The following RC3H1 variants were observed in gnomAD, a reference collection of about 807,000 sequenced individuals.
RC3H1 encodes the protein ring finger and CCCH-type domains 1, also known as roquin-1.
A neutral mutation model predicts 138.2 loss-of-function variants in RC3H1; 50 were observed. The ratio of observed to expected loss-of-function variants is 0.36; its 90% CI spans 0.29 to 0.46. The LOEUF is 0.46. Ranked by LOEUF, RC3H1 falls within the 20% of genes least tolerant of loss-of-function variation. The pLI, the probability that RC3H1 is intolerant of heterozygous loss-of-function variation, is 1.00. For missense variants in RC3H1, 1,031 were observed against 1,388.1 expected (o/e 0.74, Z 4.09); for synonymous variants, 462 against 489.1 (o/e 0.94, Z 0.73).
At chr1:173,998,011 CAA>C (rs1220944223) in intron 1 of RC3H1, among the ~76,000 whole-genome samples, 1 of 152,080 alleles carries the variant, frequency 6.6e-6, no homozygotes, top group Non-Finnish European at 1.5e-5. Context: ...ATCTAAACCA[CAA>C]AAGACATGAT....
intron 1 of RC3H1, among the ~76,000 whole-genome samples, chr1:174,013,106 T>C (rs1248303485): frequency 1.3e-5 from 2 of 152,164 alleles, no homozygotes; most frequent in East Asian, 1.9e-4. Flanking sequence ...CATACTATAA[T>C]GGACAACATT....
chr1:174,011,810 G>C (rs1661774704), intron 1 of RC3H1, among the ~76,000 whole-genome samples: 1 of 152,050 alleles, frequency 6.6e-6, no homozygotes, highest in Admixed American at 6.6e-5. Context: ...AGAATCCAAA[G>C]GTAAATTATG....
At chr1:173,962,209 C>G (rs181528753) in intron 11 of RC3H1, 114 bp from the exon 12 acceptor site, 1 of 1,041,786 alleles carries the variant, frequency 9.6e-7, no homozygotes, top group East Asian at 2.6e-5. Flanking sequence ...CTACTTATTT[C>G]TTTACGAGTT....
In RC3H1 at chr1:173,936,760, TA is replaced by T. The variant is rs1244420715; in HGVS notation, c.*1960del. The T allele has an allele frequency of 6.2e-3, 119 of 19,106 alleles. No homozygotes were observed. The highest frequency in any genetic ancestry group is 9.6e-3 in the African/African-American group (12 of 1,250). 1.2% of individuals were successfully genotyped at this position (19,106 alleles called of 1,614,324 possible). A position where few individuals can be genotyped will look rare whatever the true frequency, so the allele number is the denominator to read the frequency against. On this transcript the variant is annotated 3_prime_UTR_variant, in exon 20 of 20. Transcript: ENST00000367696. ...ATATATATATATATATATATATATA[TA>T]TTTTTTTTTTTTTTTTTAAAAAAAG... is the stretch of plus-strand genomic sequence containing the variant.
chr1:174,002,171 G>A (rs1012316350), intron 1 of RC3H1, among the ~76,000 whole-genome samples: 18 of 152,164 alleles, frequency 1.2e-4, no homozygotes, highest in Non-Finnish European at 2.5e-4. Flanking sequence ...TTTTGAAGAT[G>A]AGGCCAAATA....
chr1:173,991,670 G>C (rs1320505413), intron 2 of RC3H1, among the ~76,000 whole-genome samples: 1 of 152,100 alleles, frequency 6.6e-6, no homozygotes, highest in Non-Finnish European at 1.5e-5. Flanking sequence ...ATTATGAAAA[G>C]GTATTGGATT....
chr1:173,963,923 G>A (rs1473779303), intron 11 of RC3H1, 50 bp downstream of exon 11: 6 of 1,472,072 alleles, frequency 4.1e-6, no homozygotes, highest in Non-Finnish European at 5.7e-6. Context: ...CTGAAGAACA[G>A]TTCTGATAAT....
chr1:174,005,882 ATGT>A (rs1190330774), intron 1 of RC3H1, among the ~76,000 whole-genome samples: 4 of 152,138 alleles, frequency 2.6e-5, no homozygotes, highest in Non-Finnish European at 4.4e-5. Flanking sequence ...TCCAAGTTAG[ATGT>A]TGTTAGTCCT....
At chr1:174,003,762 C>T (rs1342306359) in intron 1 of RC3H1, among the ~76,000 whole-genome samples, 3 of 151,466 alleles carry the variant, frequency 2.0e-5, no homozygotes, top group Admixed American at 6.6e-5. Flanking sequence ...GCGGGTTTCA[C>T]GCCATTCTCC....
In RC3H1 at chr1:173,943,202, T is replaced by C. The variant is rs371374924; in HGVS notation, c.3135+240A>G. 2.0e-5 allele frequency among the ~76,000 whole-genome samples: 3 copies of C among 152,222 alleles called. No homozygotes were observed. The South Asian group carries it at 6.2e-4, about 32-fold the overall frequency. On this transcript the variant is annotated intron_variant, in intron 18 of 19. Coordinates refer to ENST00000367696, the MANE Select transcript of RC3H1 (RefSeq NM_172071.4). ...TTAAGTTCTTAAATTACAGAAGCAT[T>C]AAAACCTTGTTTTCCCTAAAAGTTA...
At chr1:173,950,134 A>ACTCC (rs1025998042) in intron 14 of RC3H1, among the ~76,000 whole-genome samples, 1 of 152,004 alleles carries the variant, frequency 6.6e-6, no homozygotes, top group Non-Finnish European at 1.5e-5. Flanking sequence ...ATGCCACTGC[A>ACTCC]CTCCAGCCTG....
intron 8 of RC3H1, among the ~76,000 whole-genome samples, chr1:173,971,444 C>T (rs1438758388): frequency 6.6e-6 from 1 of 152,166 alleles, no homozygotes; most frequent in Non-Finnish European, 1.5e-5. Context: ...ACTAATTCTT[C>T]TTGACATGCA....
rs182336321 is a variant in RC3H1 at position 174,016,843 on chromosome 1, C to T, written c.-151+5253G>A. 1.2e-3 allele frequency among the ~76,000 whole-genome samples: 176 copies of T among 151,916 alleles called. 1 individual carries two copies. The highest frequency in any genetic ancestry group is 4.1e-3 in the African/African-American group (171 of 41,452). ...AACTCTAAAGTCCAAGTTTATTACC[C>T]TTTATTCTAGAAAGAAAAAAAAAAA... On this transcript the variant is annotated intron_variant, in intron 1 of 19. Coordinates refer to ENST00000367696, the MANE Select transcript of RC3H1 (RefSeq NM_172071.4).
chr1:173,985,552 T>C, intron 2 of RC3H1, among the ~76,000 whole-genome samples: 1 of 136,584 alleles, frequency 7.3e-6, no homozygotes, highest in East Asian at 2.3e-4. Context: ...AATAATTGCA[T>C]ATACTTATGG....
intron 1 of RC3H1, among the ~76,000 whole-genome samples, chr1:174,011,505 C>G (rs1171440136): frequency 1.3e-5 from 2 of 148,624 alleles, no homozygotes; most frequent in African/African-American, 4.9e-5. Flanking sequence ...TTTTTTTTTT[C>G]AAGTACAGTA....
At chr1:173,990,720 G>A (rs752501012) in intron 2 of RC3H1, among the ~76,000 whole-genome samples, 19 of 151,610 alleles carry the variant, frequency 1.3e-4, no homozygotes, top group South Asian at 2.1e-4. Flanking sequence ...CTCCTGCCTC[G>A]GCCTCCCAAG....
chr1:173,983,130 T>C (rs1557942330), intron 4 of RC3H1: 1 of 475,548 alleles, frequency 2.1e-6, no homozygotes, highest in Non-Finnish European at 3.6e-6. Context: ...TAAGAAAAAC[T>C]TCTATCAAAA....
Position 173,932,126 on chromosome 1 carries a change from T to C in RC3H1, c.*6595A>G, listed in dbSNP as rs1268056669. ...TTTATTAACCAAGATTATTTTTGTC[T>C]TGTTAAATATACCTCTGCAGGGCAC... is the stretch of plus-strand genomic sequence containing the variant. On this transcript the variant is annotated 3_prime_UTR_variant, in exon 20 of 20. Transcript: ENST00000367696. 6.6e-6 allele frequency: 1 copy of C among 152,154 alleles called. No individual in the cohort carries two copies. The highest frequency in any genetic ancestry group is 1.5e-5 in the Non-Finnish European group (1 of 68,000). The allele number at this position is 152,154 out of a possible 1,614,324, so 9.4% of individuals were successfully genotyped here. A position where few individuals can be genotyped will look rare whatever the true frequency, so the allele number is the denominator to read the frequency against.
chr1:173,952,168 A>C (rs761649918), intron 13 of RC3H1, 30 bp from the exon 14 acceptor site: 9 of 1,494,848 alleles, frequency 6.0e-6, no homozygotes, highest in South Asian at 4.2e-5. Flanking sequence ...AAAAACAAAA[A>C]AAAAAAAAAG....
Sources: gnomAD v4.1 joint callset for allele counts (sites outside exome capture counted in the v4.1 genomes callset) on GRCh38, gnomAD v4.1.1 for gene constraint, MANE v1.5 for transcripts, NCBI Gene and HGNC (gene_info 2026-07-23, HGNC 2026-07-21) for gene names.